TMEM164: variants seen among roughly 807,000 people sequenced by gnomAD.
The protein encoded by TMEM164 is transmembrane protein 164.
A neutral mutation model predicts 18.8 loss-of-function variants in TMEM164; 4 were observed. The observed-to-expected ratio is 0.21, with a 90% CI of 0.10 to 0.49. TMEM164 has a LOEUF of 0.49. Ranked by LOEUF, TMEM164 falls within the 20% of genes least tolerant of loss-of-function variation. The probability of loss-of-function intolerance (pLI) is 0.98; values close to 1 mark genes in which losing one functional copy is unlikely to be tolerated. For missense variants in TMEM164, 108 were observed against 239.9 expected, an observed-to-expected ratio of 0.45 and a Z score of 3.63; for synonymous variants, 86 against 101.7, an observed-to-expected ratio of 0.85 and a Z score of 0.93.
At chrX:110,055,662 A>G (rs756720050) in intron 2 of TMEM164, among the ~76,000 whole-genome samples, 24 of 111,631 alleles carry the variant, frequency 2.1e-4, no homozygotes, top group Admixed American at 5.7e-4. Flanking sequence ...TTAAGTGCCT[A>G]CTATGTGAGG....
chrX:110,152,987 T>G (rs968651536), intron 5 of TMEM164, among the ~76,000 whole-genome samples: 1 of 111,731 alleles, frequency 9.0e-6, no homozygotes, highest in Non-Finnish European at 1.9e-5. Flanking sequence ...TTACACTCCC[T>G]TCTTTATACT....
chrX:110,032,180 T>G (rs1390315801), intron 2 of TMEM164, among the ~76,000 whole-genome samples: 6 of 111,872 alleles, frequency 5.4e-5, no homozygotes, highest in Admixed American at 9.5e-5. Context: ...AAAATAATAT[T>G]TTAGGTACAC....
intron 2 of TMEM164, among the ~76,000 whole-genome samples, chrX:110,037,664 G>A (rs1457613250): frequency 9.0e-6 from 1 of 111,659 alleles, no homozygotes; most frequent in Admixed American, 9.5e-5. Context: ...CTTGAAAGGT[G>A]TGTCTTGAAT....
At chrX:110,025,682 T>C in intron 2 of TMEM164, among the ~76,000 whole-genome samples, 2 of 112,442 alleles carry the variant, frequency 1.8e-5, no homozygotes, top group Middle Eastern at 4.6e-3. Context: ...CTAACTTGGA[T>C]ACCCTGCTGG....
intron 3 of TMEM164, among the ~76,000 whole-genome samples, chrX:110,097,935 A>C (rs1302565663): frequency 1.8e-5 from 2 of 112,005 alleles, no homozygotes; most frequent in Non-Finnish European, 3.8e-5. Context: ...CATACAGCCA[A>C]ATTGGCTTTT....
intron 2 of TMEM164, among the ~76,000 whole-genome samples, chrX:110,053,391 C>T (rs781718356): frequency 2.0e-4 from 22 of 111,885 alleles, no homozygotes; most frequent in African/African-American, 7.1e-4. Context: ...GATGTAGGCA[C>T]CAGGAAATAG....
At chrX:110,055,220 C>T in intron 2 of TMEM164, 1 of 341,027 alleles carries the variant, frequency 2.9e-6, no homozygotes. Flanking sequence ...TTTTTCTTGA[C>T]AAGATTTTTG....
Position 110,148,675 on chromosome X carries a change from ATTTTTTTTTTTT to A in TMEM164, c.586+3812_586+3823del, listed in dbSNP as rs373500523. ...AGGCACATACTACCACACCCGGCTC[ATTTTTTTTTTTT>A]TTTTTTTTTTTTGTATTGTGTAGAG... On this transcript the variant is annotated intron_variant, in intron 5 of 6. Transcript: ENST00000372068. 4.5e-3 allele frequency among the ~76,000 whole-genome samples: 303 copies of A among 67,893 alleles called. 3 individuals are homozygous for A. Among genetic ancestry groups the A allele is most frequent in the African/African-American group, 0.018 (287 of 16,389 alleles). 59.0% of individuals were successfully genotyped at this position (67,893 alleles called of 115,157 possible).
At chrX:110,100,931 T>C (rs1340517316) in intron 3 of TMEM164, among the ~76,000 whole-genome samples, 1 of 110,843 alleles carries the variant, frequency 9.0e-6, no homozygotes, top group African/African-American at 3.3e-5. Context: ...TTTGCTAATA[T>C]TTTACTGAGG....
At chrX:110,021,592 T>C (rs1310589264) in intron 2 of TMEM164, among the ~76,000 whole-genome samples, 3 of 111,294 alleles carry the variant, frequency 2.7e-5, no homozygotes, top group Non-Finnish European at 3.8e-5. Context: ...GGGACACTCA[T>C]TGCTATGAGG....
chrX:110,158,133 C>T lies in TMEM164; in HGVS notation c.586+13257C>T, dbSNP rs374757650. 8.9e-5 allele frequency among the ~76,000 whole-genome samples: 10 copies of T among 111,830 alleles called. No homozygotes were observed. In the East Asian group the frequency reaches 2.0e-3, roughly 22 times the overall value. On this transcript the variant is annotated intron_variant, in intron 5 of 6. Coordinates refer to ENST00000372068, the MANE Select transcript of TMEM164 (RefSeq NM_032227.4). ...AACTCCTGACCTCAAATGATCCACC[C>T]ACTTCAGCCTCCCAAAGTGCTGGGA...
chrX:110,077,850 G>C (rs1453918782), intron 3 of TMEM164, among the ~76,000 whole-genome samples: 1 of 112,066 alleles, frequency 8.9e-6, no homozygotes, highest in African/African-American at 3.2e-5. Context: ...GATTCCCTTT[G>C]TAAGTGATCT....
chrX:110,121,934 C>T (rs1216918718), intron 4 of TMEM164, among the ~76,000 whole-genome samples: 1 of 111,740 alleles, frequency 8.9e-6, no homozygotes, highest in African/African-American at 3.3e-5. Context: ...GCTTAGAACT[C>T]GAAGTGTTTC....
chrX:110,112,106 G>A (rs2066298350), intron 4 of TMEM164, among the ~76,000 whole-genome samples: 1 of 110,928 alleles, frequency 9.0e-6, no homozygotes, highest in African/African-American at 3.3e-5. Flanking sequence ...CACTTTGGGA[G>A]GTGGAGGCAA....
rs2067259034 is a variant in TMEM164 at position 110,173,666 on chromosome X, G to A, written c.*215G>A. 8 of 421,892 alleles carry A rather than the reference G, an allele frequency of 1.9e-5. No homozygotes were observed. Among genetic ancestry groups the A allele is most frequent in the Non-Finnish European group, 3.3e-5 (8 of 245,107 alleles). The allele number at this position is 421,892 out of a possible 1,213,427, so 34.8% of individuals were successfully genotyped here. A position where few individuals can be genotyped will look rare whatever the true frequency, so the allele number is the denominator to read the frequency against. On this transcript the variant is annotated 3_prime_UTR_variant, in exon 7 of 7. Coordinates refer to ENST00000372068, the MANE Select transcript of TMEM164 (RefSeq NM_032227.4). ...GCCTGGGGTGTAGTGCTGGGCGCTG[G>A]ATTTTCCTCCTTCCCTTTGGCTCTC...
intron 3 of TMEM164, among the ~76,000 whole-genome samples, chrX:110,090,652 G>T (rs1294316635): frequency 2.7e-5 from 3 of 111,392 alleles, no homozygotes; most frequent in Admixed American, 1.9e-4. Flanking sequence ...GAATAGCGCA[G>T]TACATAGAAT....
chrX:110,165,941 A>G (rs1036340858), intron 5 of TMEM164, among the ~76,000 whole-genome samples: 2 of 112,238 alleles, frequency 1.8e-5, no homozygotes, highest in South Asian at 7.4e-4. Context: ...GCTGAAACAT[A>G]AATTTGACCT....
intron 2 of TMEM164, among the ~76,000 whole-genome samples, chrX:110,038,697 C>T: frequency 9.1e-6 from 1 of 109,896 alleles, no homozygotes; most frequent in Non-Finnish European, 1.9e-5. Context: ...CCTTACCCCA[C>T]CTTACCCCAC....
At chrX:110,071,330 C>T (rs1010795276) in intron 3 of TMEM164, among the ~76,000 whole-genome samples, 2 of 109,818 alleles carry the variant, frequency 1.8e-5, no homozygotes, top group African/African-American at 6.6e-5. Flanking sequence ...GGAATGGTAG[C>T]TGTATTTTAT....
Sources: allele counts gnomAD v4.1 joint callset (sites outside exome capture counted in the v4.1 genomes callset), GRCh38; gene constraint gnomAD v4.1.1; transcripts MANE v1.5; gene names NCBI Gene and HGNC (gene_info 2026-07-23, HGNC 2026-07-21).